The following ZNF148 variants were observed in gnomAD, a reference collection of about 807,000 sequenced individuals.
The protein encoded by ZNF148 is zinc finger protein 148, also known as Beta-Enolase Repressor Factor-1.
A neutral mutation model predicts 67.7 loss-of-function variants in ZNF148; 7 were observed. The observed-to-expected ratio is 0.10, with a 90% CI of 0.06 to 0.19. The LOEUF is 0.19. Ranked by LOEUF, ZNF148 falls within the 10% of genes least tolerant of loss-of-function variation. The pLI is 1.00. For synonymous variants in ZNF148, 333 were observed against 330.7 expected, an observed-to-expected ratio of 1.01 and a Z score of -0.08; for missense variants, 583 against 947.1, an observed-to-expected ratio of 0.62 and a Z score of 5.05.
intron 7 of ZNF148, among the ~76,000 whole-genome samples, chr3:125,250,760 T>C (rs1426509094): frequency 3.3e-5 from 5 of 152,342 alleles, no homozygotes; most frequent in Admixed American, 2.6e-4. Context: ...GAAAGCATCA[T>C]CACAATCAAG....
At chr3:125,310,073 AT>A (rs3030721) in intron 4 of ZNF148, among the ~76,000 whole-genome samples, 3,366 of 137,358 alleles carry the variant, frequency 0.025, 64 homozygotes, top group African/African-American at 0.052. Flanking sequence ...GGTTCAAAGA[AT>A]TTTTTTTTTT....
Position 125,229,860 on chromosome 3 carries a change from C to G in ZNF148, c.*2481G>C, listed in dbSNP as rs1935781909. The G allele has an allele frequency of 6.6e-6, 1 of 152,442 alleles. No homozygotes were observed. Among genetic ancestry groups the G allele is most frequent in the African/African-American group, 2.4e-5 (1 of 41,432 alleles). The allele number at this position is 152,442 out of a possible 1,614,324, so 9.4% of individuals were successfully genotyped here. ...AGATGTTTGTCATATTATGATAGAA[C>G]AAGGTAACTCTGGTAGGCATTTGGA... On this transcript the variant is annotated 3_prime_UTR_variant, in exon 9 of 9. Coordinates refer to ENST00000360647, the MANE Select transcript of ZNF148 (RefSeq NM_021964.3).
chr3:125,234,886 A>T (rs1420623900), intron 7 of ZNF148, among the ~76,000 whole-genome samples: 1 of 152,190 alleles, frequency 6.6e-6, no homozygotes, highest in East Asian at 1.9e-4. Context: ...CATATCATTT[A>T]GGGAATGAAT....
intron 5 of ZNF148, among the ~76,000 whole-genome samples, chr3:125,287,137 T>C (rs1938702307): frequency 6.6e-6 from 1 of 152,080 alleles, no homozygotes; most frequent in African/African-American, 2.4e-5. Context: ...TAAATAATAA[T>C]GATGATTATG....
chr3:125,316,674 G>A (rs1190665276), intron 3 of ZNF148, among the ~76,000 whole-genome samples: 1 of 151,950 alleles, frequency 6.6e-6, no homozygotes, highest in Non-Finnish European at 1.5e-5. Context: ...GAAATCTTTT[G>A]CCCATTTTTT....
At chr3:125,353,470 G>A (rs1942229973) in intron 1 of ZNF148, among the ~76,000 whole-genome samples, 1 of 152,168 alleles carries the variant, frequency 6.6e-6, no homozygotes, top group Non-Finnish European at 1.5e-5. Flanking sequence ...AAATTCTGTA[G>A]TGTGGTTAAC....
chr3:125,266,649 T>A (rs1336879030), intron 7 of ZNF148, among the ~76,000 whole-genome samples: 1 of 151,928 alleles, frequency 6.6e-6, no homozygotes, highest in East Asian at 1.9e-4. Context: ...TCATGTAACA[T>A]CACACCTAAA....
chr3:125,316,700 T>C (rs1206634638), intron 3 of ZNF148, among the ~76,000 whole-genome samples: 1 of 146,898 alleles, frequency 6.8e-6, no homozygotes, highest in Non-Finnish European at 1.5e-5. Flanking sequence ...AATTACTAGA[T>C]TTTTTTTCCT....
intron 2 of ZNF148, among the ~76,000 whole-genome samples, chr3:125,325,228 A>G (rs539812056): frequency 1.3e-5 from 2 of 152,314 alleles, no homozygotes; most frequent in African/African-American, 4.8e-5. Flanking sequence ...ACAGAAATAA[A>G]AAATTCATCA....
At chr3:125,369,678 T>C (rs1942815917) in intron 1 of ZNF148, among the ~76,000 whole-genome samples, 1 of 152,108 alleles carries the variant, frequency 6.6e-6, no homozygotes, top group African/African-American at 2.4e-5. Flanking sequence ...TCTTATACCA[T>C]TACTGAATTA....
intron 7 of ZNF148, among the ~76,000 whole-genome samples, chr3:125,241,543 T>G (rs913132371): frequency 7.9e-5 from 12 of 152,166 alleles, no homozygotes; most frequent in Non-Finnish European, 1.8e-4. Context: ...ATCTTTTCTT[T>G]TTCCTTCAGT....
At position 125,226,103 on chromosome 3, in the gene ZNF148, A is replaced by G. The variant is rs1430435736; in HGVS notation, c.*6238T>C. The G allele has an allele frequency of 6.6e-6, 1 of 152,666 alleles. No homozygotes were observed. The highest frequency in any genetic ancestry group is 1.5e-5 in the Non-Finnish European group (1 of 68,038). 9.5% of individuals were successfully genotyped at this position (152,666 alleles called of 1,614,324 possible). A position where few individuals can be genotyped will look rare whatever the true frequency, so the allele number is the denominator to read the frequency against. On this transcript the variant is annotated 3_prime_UTR_variant, in exon 9 of 9. Coordinates refer to ENST00000360647, the MANE Select transcript of ZNF148 (RefSeq NM_021964.3). ...GTCTTATCTGTAAAGAAAAGAACAC[A>G]TATTTTCTTCGCTCTATGATAAACA...
At chr3:125,268,429 T>C (rs1048317793) in intron 7 of ZNF148, among the ~76,000 whole-genome samples, 1 of 151,996 alleles carries the variant, frequency 6.6e-6, no homozygotes, top group Non-Finnish European at 1.5e-5. Context: ...CAATTGATAT[T>C]CAAGAAAGTT....
intron 7 of ZNF148, among the ~76,000 whole-genome samples, chr3:125,275,823 G>A (rs936121696): frequency 6.6e-6 from 1 of 152,082 alleles, no homozygotes; most frequent in African/African-American, 2.4e-5. Context: ...GGTGAGTATT[G>A]TTTCAAAAAT....
chr3:125,352,099 T>C (rs1204131316), intron 1 of ZNF148, among the ~76,000 whole-genome samples: 2 of 149,840 alleles, frequency 1.3e-5, no homozygotes, highest in Non-Finnish European at 3.0e-5. Flanking sequence ...CACATGGACG[T>C]TCACAGCAGC....
chr3:125,314,924 T>C (rs1289674633), intron 3 of ZNF148: 1 of 152,296 alleles, frequency 6.6e-6, no homozygotes, highest in Non-Finnish European at 1.5e-5. Flanking sequence ...GAGCTGGGCA[T>C]GGTGGCACGC....
chr3:125,355,446 G>A (rs1470058634), intron 1 of ZNF148, among the ~76,000 whole-genome samples: 3 of 152,214 alleles, frequency 2.0e-5, no homozygotes, highest in East Asian at 1.9e-4. Flanking sequence ...GTCTCCAGAC[G>A]TTTGACAAAA....
At chr3:125,304,018 A>G (rs1939739699) in intron 4 of ZNF148, among the ~76,000 whole-genome samples, 1 of 151,968 alleles carries the variant, frequency 6.6e-6, no homozygotes, top group Admixed American at 6.6e-5. Flanking sequence ...AAATCTATAT[A>G]ATTTTAAAAT....
intron 1 of ZNF148, among the ~76,000 whole-genome samples, chr3:125,350,973 A>G (rs1942126754): frequency 6.6e-6 from 1 of 152,182 alleles, no homozygotes; most frequent in Non-Finnish European, 1.5e-5. Context: ...TTTATGAGGG[A>G]TTTAAGATAA....
Sources: allele counts gnomAD v4.1 joint callset (sites outside exome capture counted in the v4.1 genomes callset), GRCh38; gene constraint gnomAD v4.1.1; transcripts MANE v1.5; gene names NCBI Gene and HGNC (gene_info 2026-07-23, HGNC 2026-07-21).